MAN1A1: variants seen among roughly 807,000 people sequenced by gnomAD.
The protein encoded by MAN1A1 is mannosidase alpha class 1A member 1, also known as mannosyl-oligosaccharide 1,2-alpha-mannosidase IA.
In MAN1A1, 29 loss-of-function variants were observed where a neutral mutation model predicts 70.8. The observed-to-expected ratio is 0.41, with a 90% CI of 0.31 to 0.56. MAN1A1 has a LOEUF of 0.56. Among genes scored for constraint, MAN1A1 ranks in the 20% least tolerant of loss-of-function variants. MAN1A1 has a pLI of 0.29. For synonymous variants in MAN1A1, 349 were observed against 330.1 expected, an observed-to-expected ratio of 1.06 and a Z score of -0.62; for missense variants, 747 against 841.3, an observed-to-expected ratio of 0.89 and a Z score of 1.39.
At chr6:119,272,963 A>T in intron 5 of MAN1A1, among the ~76,000 whole-genome samples, 1 of 152,342 alleles carries the variant, frequency 6.6e-6, no homozygotes, top group South Asian at 2.1e-4. Flanking sequence ...CTAAGATGGA[A>T]ATCTATAAAT....
At chr6:119,302,759 T>C (rs1377770479) in intron 3 of MAN1A1, among the ~76,000 whole-genome samples, 1 of 152,172 alleles carries the variant, frequency 6.6e-6, no homozygotes, top group Non-Finnish European at 1.5e-5. Flanking sequence ...TGTAATTACA[T>C]CAAAGTGCAC....
At chr6:119,189,369 T>G (rs931058899) in intron 10 of MAN1A1, among the ~76,000 whole-genome samples, 1 of 152,226 alleles carries the variant, frequency 6.6e-6, no homozygotes, top group African/African-American at 2.4e-5. Flanking sequence ...AGTTTCTCTT[T>G]GCAGGGAGAT....
chr6:119,204,124 T>C (rs750351487), intron 7 of MAN1A1, among the ~76,000 whole-genome samples: 10 of 152,168 alleles, frequency 6.6e-5, no homozygotes, highest in Admixed American at 2.0e-4. Flanking sequence ...CTGTGTCGAA[T>C]GCTAAGAGGG....
rs550814704 is a variant in MAN1A1, at chr6:119,212,161, G to T, written c.993-7279C>A. Reference sequence around the variant, plus strand: ...GGCCAATAGTAGGTTTTTTTTTTTTGGTATACTTTTTAAATGAAATAAAAA... The same window carrying T: ...GGCCAATAGTAGGTTTTTTTTTTTTTGTATACTTTTTAAATGAAATAAAAA... On this transcript the variant is annotated intron_variant, in intron 6 of 12. Transcript: ENST00000368468. Among the ~76,000 whole-genome samples, 178 of 138,818 alleles carry T rather than the reference G, an allele frequency of 1.3e-3. 1 individual carries two copies. Among genetic ancestry groups the T allele is most frequent in the African/African-American group, 4.2e-3 (158 of 37,550 alleles). The allele number at this position is 138,818 out of a possible 152,430, so 91.1% of individuals were successfully genotyped here.
intron 5 of MAN1A1, among the ~76,000 whole-genome samples, chr6:119,277,225 C>T (rs902540965): frequency 1.3e-5 from 2 of 152,044 alleles, no homozygotes; most frequent in Non-Finnish European, 2.9e-5. Context: ...AGATATATGA[C>T]CTCTCTTGGG....
At chr6:119,297,439 C>T (rs758388492) in intron 4 of MAN1A1, among the ~76,000 whole-genome samples, 1 of 152,144 alleles carries the variant, frequency 6.6e-6, no homozygotes, top group African/African-American at 2.4e-5. Context: ...ATTAAGATGA[C>T]ATGCCTAACC....
At chr6:119,329,517 T>C (rs1773246417) in intron 2 of MAN1A1, among the ~76,000 whole-genome samples, 1 of 151,830 alleles carries the variant, frequency 6.6e-6, no homozygotes, top group Admixed American at 6.6e-5. Context: ...AAATGATCTC[T>C]TGTATCAGAT....
At chr6:119,341,117 G>A (rs1157676669) in intron 2 of MAN1A1, among the ~76,000 whole-genome samples, 1 of 152,162 alleles carries the variant, frequency 6.6e-6, no homozygotes, top group Non-Finnish European at 1.5e-5. Flanking sequence ...TGAGGGCTGT[G>A]ACTTTTAAAT....
intron 7 of MAN1A1, among the ~76,000 whole-genome samples, chr6:119,202,887 G>A (rs1412291432): frequency 6.6e-6 from 1 of 152,202 alleles, no homozygotes; most frequent in Non-Finnish European, 1.5e-5. Flanking sequence ...CTACTTCCCA[G>A]TGTGATTGTA....
At chr6:119,190,718 A>G (rs1490846203) in intron 9 of MAN1A1, among the ~76,000 whole-genome samples, 3 of 152,234 alleles carry the variant, frequency 2.0e-5, no homozygotes, top group Non-Finnish European at 4.4e-5. Flanking sequence ...GAGAAATGAT[A>G]ATGTTTACAA....
At chr6:119,298,617 G>A (rs1171391957) in intron 4 of MAN1A1, among the ~76,000 whole-genome samples, 1 of 140,340 alleles carries the variant, frequency 7.1e-6, no homozygotes, top group Non-Finnish European at 1.5e-5. Context: ...TTTTTTTTGA[G>A]TCTGAGTCTC....
intron 9 of MAN1A1, among the ~76,000 whole-genome samples, chr6:119,190,776 T>G (rs1773420329): frequency 6.6e-6 from 1 of 152,244 alleles, no homozygotes; most frequent in African/African-American, 2.4e-5. Context: ...TCTGTTGATA[T>G]TCTCTTAAAC....
At chr6:119,211,359 A>G (rs897508604) in intron 6 of MAN1A1, among the ~76,000 whole-genome samples, 2 of 152,212 alleles carry the variant, frequency 1.3e-5, no homozygotes, top group Non-Finnish European at 2.9e-5. Context: ...TGTGGCCAGT[A>G]TTACTTGCTT....
At position 119,185,608 on chromosome 6, in the gene MAN1A1, G is replaced by A. The variant is rs1003455165; in HGVS notation, c.1719+2797C>T. Among the ~76,000 whole-genome samples, 36 of 152,104 alleles carry A rather than the reference G, an allele frequency of 2.4e-4. 1 individual carries two copies. Among genetic ancestry groups the A allele is most frequent in the Admixed American group, 2.2e-3 (34 of 15,284 alleles). On this transcript the variant is annotated intron_variant, in intron 11 of 12. Transcript: ENST00000368468. ...TTTATTTTTTTGGAGTTGGAGTCTT[G>A]CTCTGTCCCTCAGGTTCGAGTGCAG... is the stretch of plus-strand genomic sequence containing the variant.
intron 2 of MAN1A1, among the ~76,000 whole-genome samples, chr6:119,314,040 T>C (rs962754292): frequency 6.6e-6 from 1 of 152,190 alleles, no homozygotes; most frequent in African/African-American, 2.4e-5. Flanking sequence ...AACCTCTACT[T>C]TACAGGCACG....
In MAN1A1 at chr6:119,262,457, T is replaced by TA. The variant is rs11361247; in HGVS notation, c.898-14104dup. Among the ~76,000 whole-genome samples the TA allele has an allele frequency of 1.5e-3, 226 of 146,022 alleles. 1 individual carries two copies. Among genetic ancestry groups the TA allele is most frequent in the African/African-American group, 2.5e-3 (101 of 40,138 alleles). On this transcript the variant is annotated intron_variant, in intron 5 of 12. Coordinates refer to ENST00000368468, the MANE Select transcript of MAN1A1 (RefSeq NM_005907.4). ...TTCATTATATGGCTATTATAAAAAG[T>TA]AAAAAAAAAAATAAATAAATAACAG...
At chr6:119,286,896 T>C (rs1267590358) in intron 5 of MAN1A1, among the ~76,000 whole-genome samples, 1 of 152,160 alleles carries the variant, frequency 6.6e-6, no homozygotes, top group Non-Finnish European at 1.5e-5. Context: ...GCCATATTTA[T>C]ATTCACCATA....
intron 6 of MAN1A1, among the ~76,000 whole-genome samples, chr6:119,206,793 C>A (rs752094801): frequency 6.6e-6 from 1 of 152,146 alleles, no homozygotes; most frequent in Non-Finnish European, 1.5e-5. Context: ...CACTGACTAA[C>A]GTCAATAAGC....
chr6:119,304,582 C>T (rs576082694), intron 3 of MAN1A1, among the ~76,000 whole-genome samples: 1 of 151,996 alleles, frequency 6.6e-6, no homozygotes, highest in East Asian at 1.9e-4. Context: ...ATCATGAATA[C>T]TTAAGATTTT....
Sources: gnomAD v4.1 joint callset for allele counts (sites outside exome capture counted in the v4.1 genomes callset) on GRCh38, gnomAD v4.1.1 for gene constraint, MANE v1.5 for transcripts, NCBI Gene and HGNC (gene_info 2026-07-23, HGNC 2026-07-21) for gene names.